DIAPH2: variants seen among roughly 807,000 people sequenced by gnomAD.
DIAPH2 encodes diaphanous related formin 2, also known as protein diaphanous homolog 2.
In DIAPH2, 35 loss-of-function variants were observed where a neutral mutation model predicts 92.7. The observed-to-expected ratio is 0.38, with a 90% CI of 0.29 to 0.50. The LOEUF is 0.50. Ranked by LOEUF, DIAPH2 falls within the 20% of genes least tolerant of loss-of-function variation. The pLI is 0.94. For missense variants in DIAPH2, 701 were observed against 819.5 expected, an observed-to-expected ratio of 0.86 and a Z score of 1.77; for synonymous variants, 301 against 280.4, an observed-to-expected ratio of 1.07 and a Z score of -0.73.
At chrX:97,075,075 A>G (rs1602323180) in intron 18 of DIAPH2, 92 bp from the exon 19 acceptor site, 2 of 552,937 alleles carry the variant, frequency 3.6e-6, no homozygotes, top group Non-Finnish European at 5.7e-6. Context: ...CAAATTTCAT[A>G]TTTTGAGTCT....
intron 22 of DIAPH2, among the ~76,000 whole-genome samples, chrX:97,225,678 T>C (rs771525638): frequency 9.0e-6 from 1 of 111,647 alleles, no homozygotes; most frequent in Non-Finnish European, 1.9e-5. Flanking sequence ...ATGGACCTAT[T>C]GGGTGTTTAT....
chrX:97,546,346 T>G (rs2071181352), intron 26 of DIAPH2, among the ~76,000 whole-genome samples: 1 of 112,018 alleles, frequency 8.9e-6, no homozygotes, highest in South Asian at 3.8e-4. Context: ...TACTCATGTC[T>G]TAGATTTAAA....
chrX:97,196,690 C>T (rs758895413), intron 22 of DIAPH2, among the ~76,000 whole-genome samples: 9 of 111,648 alleles, frequency 8.1e-5, no homozygotes, highest in Middle Eastern at 4.7e-3. Flanking sequence ...TTATTTTAAA[C>T]GCAATTTCTA....
intron 23 of DIAPH2, among the ~76,000 whole-genome samples, chrX:97,288,740 CAAAA>C (rs1167955541): frequency 1.9e-5 from 1 of 52,474 alleles, no homozygotes. Flanking sequence ...GACTCTGTCT[CAAAA>C]AAAAAAAAAA....
intron 22 of DIAPH2, among the ~76,000 whole-genome samples, chrX:97,227,672 CA>C (rs746209151): frequency 8.9e-6 from 1 of 111,778 alleles, no homozygotes; most frequent in Non-Finnish European, 1.9e-5. Context: ...CTTACAAAGT[CA>C]AAGTTGCATA....
At chrX:97,140,856 C>A (rs2067204547) in intron 21 of DIAPH2, among the ~76,000 whole-genome samples, 1 of 111,107 alleles carries the variant, frequency 9.0e-6, no homozygotes, top group African/African-American at 3.3e-5. Flanking sequence ...GTGGACAAAC[C>A]CATCATCTAA....
In DIAPH2 at chrX:96,720,385, G is replaced by A. The variant is rs2063982192; in HGVS notation, c.133-15373G>A. On this transcript the variant is annotated intron_variant, in intron 1 of 26. Coordinates refer to ENST00000324765, the MANE Select transcript of DIAPH2 (RefSeq NM_006729.5). ...AGATACAGAATTTTGGTACTAACAA[G>A]AACAATACAGTTTATTACTTACACT... Among the ~76,000 whole-genome samples the A allele has an allele frequency of 8.1e-5, 9 of 111,136 alleles. No homozygotes were observed. In the Admixed American group the frequency reaches 8.6e-4, roughly 11 times the overall value.
intron 26 of DIAPH2, among the ~76,000 whole-genome samples, chrX:97,507,783 A>G (rs1264463313): frequency 9.0e-6 from 1 of 111,628 alleles, no homozygotes; most frequent in Non-Finnish European, 1.9e-5. Context: ...TCATAAAGTC[A>G]GGCTATAGAT....
At chrX:97,213,099 G>A (rs777336555) in intron 22 of DIAPH2, among the ~76,000 whole-genome samples, 12 of 111,788 alleles carry the variant, frequency 1.1e-4, no homozygotes, top group Non-Finnish European at 7.5e-5. Flanking sequence ...ATAGATCAAT[G>A]TTCTGTTCTC....
chrX:97,085,376 GA>G (rs1240871645), intron 19 of DIAPH2, among the ~76,000 whole-genome samples: 1 of 111,727 alleles, frequency 9.0e-6, no homozygotes, highest in African/African-American at 3.3e-5. Flanking sequence ...CCTAAAAGTA[GA>G]AACATGACCT....
At chrX:97,260,336 A>G (rs1475048001) in intron 23 of DIAPH2, among the ~76,000 whole-genome samples, 1 of 112,595 alleles carries the variant, frequency 8.9e-6, no homozygotes, top group Non-Finnish European at 1.9e-5. Flanking sequence ...CAACTATGGC[A>G]GGTGATAAGG....
At chrX:97,121,762 C>T (rs1246818429) in intron 21 of DIAPH2, among the ~76,000 whole-genome samples, 4 of 111,667 alleles carry the variant, frequency 3.6e-5, no homozygotes, top group African/African-American at 1.3e-4. Context: ...TAACATGAGA[C>T]TATTAATTTA....
chrX:96,847,968 T>C (rs745813905), intron 4 of DIAPH2, among the ~76,000 whole-genome samples: 5 of 112,021 alleles, frequency 4.5e-5, no homozygotes, highest in Non-Finnish European at 7.5e-5. Context: ...GTAATGAGCA[T>C]TATCCCCTTC....
Position 96,881,620 on chromosome X carries a change from A to C in DIAPH2, c.489A>C (p.Ser163=), listed in dbSNP as rs752780072. The part of the protein sequence containing the change: ...KNSKHECTLS[S]QEYVHELRSG... ...GCAAACATGAATGCACCCTGTCTTC[A>C]CAAGAATATGTTCATGAATTACGAT... The change falls in exon 5 of 27, where the codon TCA becomes TCC. Residue 163 remains serine (S), a synonymous_variant. Coordinates refer to ENST00000324765, the MANE Select transcript of DIAPH2 (RefSeq NM_006729.5). The C allele has an allele frequency of 5.8e-5, 70 of 1,206,542 alleles. No homozygotes were observed. The highest frequency in any genetic ancestry group is 7.7e-5 in the Non-Finnish European group (69 of 893,124).
intron 26 of DIAPH2, among the ~76,000 whole-genome samples, chrX:97,583,823 G>A (rs772593038): frequency 1.1e-3 from 126 of 111,939 alleles, no homozygotes; most frequent in Non-Finnish European, 1.8e-3. Flanking sequence ...AGCAATCAGC[G>A]AGACTCGGTG....
intron 26 of DIAPH2, among the ~76,000 whole-genome samples, chrX:97,521,556 G>A (rs747430807): frequency 9.0e-6 from 1 of 111,186 alleles, no homozygotes; most frequent in South Asian, 3.8e-4. Flanking sequence ...CATGTGTGGT[G>A]GGAGGGACCC....
intron 22 of DIAPH2, among the ~76,000 whole-genome samples, chrX:97,161,944 T>C (rs2067377306): frequency 8.9e-6 from 1 of 111,799 alleles, no homozygotes; most frequent in Non-Finnish European, 1.9e-5. Context: ...TCTGTAATTT[T>C]TATAAGAGAT....
chrX:97,588,996 AATATATATATATAT>A lies in DIAPH2; in HGVS notation c.3242-10239_3242-10226del, dbSNP rs199558439. On this transcript the variant is annotated intron_variant, in intron 26 of 26. Transcript: ENST00000324765. ...ATGCCAAAAATTCAGATATTATAGA[AATATATATATATAT>A]ATATATATATATATATAAAAGAATC... Among the ~76,000 whole-genome samples the A allele has an allele frequency of 2.0e-3, 65 of 31,709 alleles. No homozygotes were observed. The East Asian group carries it at 0.071, about 35-fold the overall frequency. 27.5% of individuals were successfully genotyped at this position (31,709 alleles called of 115,157 possible).
rs145402871 is a variant in DIAPH2, at chrX:97,419,222, G to A, written c.3146-10428G>A. ...CTACGGGTGCACACCACCACATCCA[G>A]CAATTAGCATATGCTTGTCGTTGAC... is the stretch of plus-strand genomic sequence containing the variant. On this transcript the variant is annotated intron_variant, in intron 25 of 26. Coordinates refer to ENST00000324765, the MANE Select transcript of DIAPH2 (RefSeq NM_006729.5). 5.1e-3 allele frequency among the ~76,000 whole-genome samples: 569 copies of A among 111,749 alleles called. 4 individuals carry two copies. The highest frequency in any genetic ancestry group is 0.041 in the Middle Eastern group (9 of 217).
Sources: gnomAD v4.1 joint callset for allele counts (sites outside exome capture counted in the v4.1 genomes callset) on GRCh38, gnomAD v4.1.1 for gene constraint, MANE v1.5 for transcripts, NCBI Gene and HGNC (gene_info 2026-07-23, HGNC 2026-07-21) for gene names.